UBE2W: variants seen among roughly 807,000 people sequenced by gnomAD.
The protein encoded by UBE2W is ubiquitin conjugating enzyme E2 W.
A neutral mutation model predicts 27.2 loss-of-function variants in UBE2W; 18 were observed. That is an observed-to-expected ratio of 0.66 (90% confidence interval 0.46 to 0.98). The LOEUF (loss-of-function observed/expected upper bound fraction) is 0.98. Ranked by LOEUF, UBE2W falls within the 50% of genes least tolerant of loss-of-function variation. The probability of loss-of-function intolerance (pLI) is 0.00; values close to 1 mark genes in which losing one functional copy is unlikely to be tolerated. For missense variants in UBE2W, 90 were observed against 180.2 expected (o/e 0.50, Z 2.87); for synonymous variants, 53 against 57.2 (o/e 0.93, Z 0.33).
Position 73,790,657 on chromosome 8 carries a change from G to C in UBE2W, c.*3445C>G. 1 of 983,414 alleles carries C rather than the reference G, an allele frequency of 1.0e-6. No homozygotes were observed. Among genetic ancestry groups the C allele is most frequent in the Non-Finnish European group, 1.2e-6 (1 of 828,142 alleles). The allele number at this position is 983,414 out of a possible 1,614,324, so 60.9% of individuals were successfully genotyped here. ...TTTAAAAAAATTTTTGTAACACACA[G>C]TACCTCCTCTTCTCTTCTATTTTTA... On this transcript the variant is annotated 3_prime_UTR_variant, in exon 6 of 6. Coordinates refer to ENST00000602593, the MANE Select transcript of UBE2W (RefSeq NM_018299.6).
chr8:73,867,819 G>A (rs1481580936), intron 1 of UBE2W, among the ~76,000 whole-genome samples: 2 of 151,800 alleles, frequency 1.3e-5, no homozygotes. Context: ...TTAGCCATTA[G>A]TGAAATGCAA....
At chr8:73,872,372 C>T (rs1812038114) in intron 1 of UBE2W, among the ~76,000 whole-genome samples, 1 of 152,044 alleles carries the variant, frequency 6.6e-6, no homozygotes, top group Non-Finnish European at 1.5e-5. Context: ...GGTTCAGTAC[C>T]TATAAAGGAA....
intron 1 of UBE2W, among the ~76,000 whole-genome samples, chr8:73,837,933 C>CTT (rs146957427): frequency 1.3e-5 from 2 of 151,908 alleles, no homozygotes; most frequent in African/African-American, 4.8e-5. Flanking sequence ...AGGCTGTTTC[C>CTT]TTTTTTTTAT....
intron 5 of UBE2W, among the ~76,000 whole-genome samples, chr8:73,797,367 A>G (rs548898156): frequency 1.3e-5 from 2 of 152,350 alleles, no homozygotes; most frequent in East Asian, 3.8e-4. Context: ...GAAAATATTT[A>G]GTTTTGTCTC....
At chr8:73,837,715 C>T (rs1288899220) in intron 1 of UBE2W, among the ~76,000 whole-genome samples, 2 of 152,204 alleles carry the variant, frequency 1.3e-5, no homozygotes, top group African/African-American at 2.4e-5. Flanking sequence ...GCTAGGATTA[C>T]AGGCGCAAGC....
chr8:73,845,710 TAA>T (rs1405396232), intron 1 of UBE2W, among the ~76,000 whole-genome samples: 3 of 148,002 alleles, frequency 2.0e-5, no homozygotes, highest in Non-Finnish European at 4.5e-5. Flanking sequence ...CAATAAATAC[TAA>T]AAAAATTTAA....
chr8:73,781,619 G>GTTTTTTTTTTTTTTTTTTTTTTTTT (rs112691687), downstream of UBE2W, among the ~76,000 whole-genome samples: 1 of 140,880 alleles, frequency 7.1e-6, no homozygotes, highest in Non-Finnish European at 1.5e-5. Context: ...TCAGGTTTGG[G>GTTTTTTTTTTTTTTTTTTTTTTTTT]TTTTTTTTTT....
intron 1 of UBE2W, among the ~76,000 whole-genome samples, chr8:73,858,206 C>T (rs1321784746): frequency 6.6e-6 from 1 of 151,852 alleles, no homozygotes; most frequent in African/African-American, 2.4e-5. Flanking sequence ...AATAAAAATA[C>T]AAAAATTAGT....
At position 73,878,834 on chromosome 8, in the gene UBE2W, C is replaced by A. The variant is rs1432180290; in HGVS notation, c.-12G>T. 1 of 1,549,378 alleles carries A rather than the reference C, an allele frequency of 6.5e-7. No individual in the cohort carries two copies. Among genetic ancestry groups the A allele is most frequent in the South Asian group, 1.2e-5 (1 of 83,970 alleles). On this transcript the variant is annotated 5_prime_UTR_variant, in exon 1 of 6. Transcript: ENST00000602593. The stretch of plus-strand genomic sequence containing the variant: ...TGCATTGACGCCATGATGGAACCAT[C>A]CCCCCAAGACCGGCGAGGCCAGAGA...
intron 1 of UBE2W, among the ~76,000 whole-genome samples, chr8:73,855,536 G>A (rs1811261101): frequency 6.6e-6 from 1 of 151,424 alleles, no homozygotes; most frequent in African/African-American, 2.4e-5. Context: ...CAAGTAGCTG[G>A]GCTTACAGAT....
intron 1 of UBE2W, among the ~76,000 whole-genome samples, chr8:73,836,590 T>C: frequency 6.6e-6 from 1 of 152,210 alleles, no homozygotes. Flanking sequence ...AAGAAAATGA[T>C]TTAAAGAGCT....
chr8:73,825,605 C>T (rs1809804154), intron 2 of UBE2W, among the ~76,000 whole-genome samples: 1 of 152,146 alleles, frequency 6.6e-6, no homozygotes, highest in Non-Finnish European at 1.5e-5. Context: ...AGTTTAAGAC[C>T]AGCCTGACCA....
Position 73,787,604 on chromosome 8 carries a change from C to T in UBE2W, c.*6498G>A. 1.0e-6 allele frequency: 1 copy of T among 985,366 alleles called. No homozygotes were observed. Among genetic ancestry groups the T allele is most frequent in the Middle Eastern group, 5.2e-4 (1 of 1,914 alleles). The allele number at this position is 985,366 out of a possible 1,614,324, so 61.0% of individuals were successfully genotyped here. On this transcript the variant is annotated 3_prime_UTR_variant, in exon 6 of 6. Coordinates refer to ENST00000602593, the MANE Select transcript of UBE2W (RefSeq NM_018299.6). ...GGCAAGCAGATCCCCTGCAGAAAAGCTTAGAATTACCAGCAGAGCATATTT... is the reference window on the plus strand; with the variant it reads ...GGCAAGCAGATCCCCTGCAGAAAAGTTTAGAATTACCAGCAGAGCATATTT...
chr8:73,858,858 C>G (rs978032857), intron 1 of UBE2W, among the ~76,000 whole-genome samples: 5 of 148,844 alleles, frequency 3.4e-5, no homozygotes, highest in Admixed American at 1.4e-4. Flanking sequence ...CCTTCTCTAT[C>G]ATTAGGGGGG....
rs1808159833 is a variant in UBE2W at position 73,790,835 on chromosome 8, T to C, written c.*3267A>G. On this transcript the variant is annotated 3_prime_UTR_variant, in exon 6 of 6. Transcript: ENST00000602593. Reference sequence around the variant, plus strand: ...CCATTATTTACCAATTCATCTTTGATGCAACTTGGAAACAATTAAGCAGTC... The same window carrying C: ...CCATTATTTACCAATTCATCTTTGACGCAACTTGGAAACAATTAAGCAGTC... The C allele has an allele frequency of 1.0e-6, 1 of 985,094 alleles. No individual in the cohort carries two copies. Among genetic ancestry groups the C allele is most frequent in the Non-Finnish European group, 1.2e-6 (1 of 829,722 alleles). The allele number at this position is 985,094 out of a possible 1,614,324, so 61.0% of individuals were successfully genotyped here.
downstream of UBE2W, among the ~76,000 whole-genome samples, chr8:73,781,619 G>GTTTTTTTTTTTT (rs112691687): frequency 7.1e-6 from 1 of 140,880 alleles, no homozygotes; most frequent in Non-Finnish European, 1.5e-5. Flanking sequence ...TCAGGTTTGG[G>GTTTTTTTTTTTT]TTTTTTTTTT....
intron 1 of UBE2W, among the ~76,000 whole-genome samples, chr8:73,869,938 A>T (rs558051819): frequency 2.1e-4 from 32 of 152,248 alleles, no homozygotes; most frequent in African/African-American, 7.2e-4. Context: ...ACTCTCACAA[A>T]ATACCCAGAA....
intron 1 of UBE2W, among the ~76,000 whole-genome samples, chr8:73,866,286 AAAAAATAT>A (rs1186057873): frequency 3.3e-5 from 3 of 89,766 alleles, no homozygotes; most frequent in African/African-American, 1.4e-4. Flanking sequence ...AAAAAAAAAA[AAAAAATAT>A]ATATATATAT....
intron 3 of UBE2W, among the ~76,000 whole-genome samples, chr8:73,813,935 G>A (rs909138731): frequency 3.9e-5 from 6 of 152,020 alleles, no homozygotes; most frequent in South Asian, 2.1e-4. Flanking sequence ...GTTTTACCAC[G>A]TTGGCCAAGC....
Sources: gnomAD v4.1 joint callset for allele counts (sites outside exome capture counted in the v4.1 genomes callset) on GRCh38, gnomAD v4.1.1 for gene constraint, MANE v1.5 for transcripts, NCBI Gene and HGNC (gene_info 2026-07-23, HGNC 2026-07-21) for gene names.